Variants in SYNGR1 observed in about 807,000 individuals in gnomAD.
SYNGR1 encodes the protein synaptogyrin-1.
Under a neutral mutation model 26.1 loss-of-function variants are expected in SYNGR1, and 14 were observed. The ratio of observed to expected loss-of-function variants is 0.54; its 90% CI spans 0.35 to 0.84. SYNGR1 has a LOEUF of 0.84. SYNGR1 is among the 40% of genes least tolerant of loss of function. SYNGR1 has a pLI of 0.01. For synonymous variants in SYNGR1, 141 were observed against 150.1 expected (o/e 0.94, Z 0.44); for missense variants, 319 against 332.9 (o/e 0.96, Z 0.33).
At chr22:39,370,429 C>G (rs950723627) in intron 1 of SYNGR1, among the ~76,000 whole-genome samples, 1 of 152,128 alleles carries the variant, frequency 6.6e-6, no homozygotes, top group African/African-American at 2.4e-5. Flanking sequence ...CGCGCCTGGC[C>G]TATACCCAGC....
chr22:39,351,566 A>G (rs976387608), intron 1 of SYNGR1, among the ~76,000 whole-genome samples: 1 of 152,146 alleles, frequency 6.6e-6, no homozygotes, highest in African/African-American at 2.4e-5. Context: ...CCTGGGGGGC[A>G]CCTGCCGGAT....
At chr22:39,355,975 C>T (rs986221533) in intron 1 of SYNGR1, among the ~76,000 whole-genome samples, 3 of 152,054 alleles carry the variant, frequency 2.0e-5, no homozygotes, top group South Asian at 2.1e-4. Context: ...GCCGAGATTG[C>T]GCCATCGCAC....
chr22:39,381,801 G>C lies in SYNGR1; in HGVS notation c.589G>C (p.Ala197Pro). The stretch of plus-strand genomic sequence containing the variant: ...CAGCCAGGACTCCAGCATGCCTTAC[G>C]CGCCCTACGTGGAGCCCACTGGGCC... The part of the protein sequence containing the change: ...DPSQDSSMPY[A>P]PYVEPTGPDP... Residue 197 changes from alanine (A) to proline (P), a missense_variant, in exon 4 of 4, where the codon GCG (alanine) becomes CCG (proline). Physicochemically the swap from Ala to Pro is conservative, Grantham distance 27. Transcript: ENST00000328933. 6.4e-7 allele frequency: 1 copy of C among 1,554,962 alleles called. No homozygotes were observed. The highest frequency in any genetic ancestry group is 8.6e-7 in the Non-Finnish European group (1 of 1,162,224).
intron 1 of SYNGR1, among the ~76,000 whole-genome samples, chr22:39,362,823 C>G (rs963576173): frequency 6.6e-6 from 1 of 152,092 alleles, no homozygotes; most frequent in Non-Finnish European, 1.5e-5. Flanking sequence ...TCCTTTCTAC[C>G]CCCCGTGCTG....
intron 3 of SYNGR1, chr22:39,377,521 G>T: frequency 1.3e-6 from 2 of 1,571,878 alleles, no homozygotes; most frequent in Non-Finnish European, 1.7e-6. Context: ...TGCCTGCCCG[G>T]CCCCCTGAAG....
chr22:39,372,723 C>T (rs1247127931), intron 1 of SYNGR1, among the ~76,000 whole-genome samples: 3 of 152,084 alleles, frequency 2.0e-5, no homozygotes, highest in Non-Finnish European at 4.4e-5. Flanking sequence ...CCCACCTCGG[C>T]CTCCCAAAGT....
intron 3 of SYNGR1, 153 bp downstream of exon 3, chr22:39,376,350 C>T (rs1265803062): frequency 1.2e-5 from 16 of 1,326,506 alleles, no homozygotes; most frequent in Non-Finnish European, 1.7e-5. Flanking sequence ...GCGGCGCTCA[C>T]AGTGGTGCTG....
intron 1 of SYNGR1, among the ~76,000 whole-genome samples, chr22:39,354,236 AT>A (rs1365803391): frequency 6.6e-6 from 1 of 152,122 alleles, no homozygotes; most frequent in African/African-American, 2.4e-5. Context: ...TTCAGGGTTC[AT>A]TTTTTAAGGG....
chr22:39,364,373 C>A, intron 1 of SYNGR1: 1 of 1,608,800 alleles, frequency 6.2e-7, no homozygotes, highest in South Asian at 1.1e-5. Context: ...GTGAAATGCT[C>A]TAAGTATAAG....
chr22:39,377,391 C>G, intron 3 of SYNGR1: 2 of 985,426 alleles, frequency 2.0e-6, no homozygotes, highest in Non-Finnish European at 2.4e-6. Flanking sequence ...GGATCTCAGT[C>G]CAGAGAAGGT....
At chr22:39,358,591 ACT>A (rs953600753) in intron 1 of SYNGR1, among the ~76,000 whole-genome samples, 2 of 151,748 alleles carry the variant, frequency 1.3e-5, no homozygotes, top group African/African-American at 4.8e-5. Flanking sequence ...GAGCTGTAAC[ACT>A]CACCGCGAAG....
chr22:39,361,839 CT>C (rs1293068607), intron 1 of SYNGR1, among the ~76,000 whole-genome samples: 1 of 152,050 alleles, frequency 6.6e-6, no homozygotes, highest in Non-Finnish European at 1.5e-5. Context: ...TGTTGCTCCC[CT>C]CTCCCACCTC....
intron 1 of SYNGR1, among the ~76,000 whole-genome samples, chr22:39,359,710 G>C (rs1452765257): frequency 6.6e-6 from 1 of 150,802 alleles, no homozygotes; most frequent in Non-Finnish European, 1.5e-5. Context: ...TCCTGCTCCA[G>C]TCCTGGTCAT....
chr22:39,374,428 G>A lies in SYNGR1; in HGVS notation c.212G>A (p.Gly71Asp). ...CGCAACCCCAACGCCTGCAGCTATGGCGTGGCCGTGGGCGTGCTCGCCTTC... is the reference window on the plus strand; with the variant it reads ...CGCAACCCCAACGCCTGCAGCTATGACGTGGCCGTGGGCGTGCTCGCCTTC... The part of the protein sequence containing the change: ...YNRNPNACSY[G>D]VAVGVLAFLT... Residue 71 changes from glycine (G) to aspartate (D), a missense_variant, in exon 2 of 4, where the codon GGC (glycine) becomes GAC (aspartate). Gly to Asp is a moderately conservative substitution (Grantham distance 94, BLOSUM62 -1). Transcript: ENST00000328933. The A allele has an allele frequency of 2.5e-6, 4 of 1,614,018 alleles. No homozygotes were observed. The highest frequency in any genetic ancestry group is 3.4e-6 in the Non-Finnish European group (4 of 1,180,034).
chr22:39,352,867 T>G (rs1373443511), intron 1 of SYNGR1, among the ~76,000 whole-genome samples: 1 of 152,112 alleles, frequency 6.6e-6, no homozygotes, highest in African/African-American at 2.4e-5. Context: ...GTGATTGTTT[T>G]TTTTCTTTTT....
In SYNGR1 at chr22:39,376,127, A is replaced by T; in HGVS notation, c.413A>T (p.Asn138Ile). The T allele has an allele frequency of 1.2e-6, 2 of 1,614,156 alleles. No homozygotes were observed. Among genetic ancestry groups the T allele is most frequent in the Non-Finnish European group, 1.7e-6 (2 of 1,180,028 alleles). Reference protein sequence around the residue: ...NQWQVSKPKDNPLNEGTDAAR... With the variant: ...NQWQVSKPKDIPLNEGTDAAR... ...TGGCAGGTCTCCAAGCCCAAGGACA[A>T]CCCACTGAACGAAGGGACGGACGCA... is the stretch of plus-strand genomic sequence containing the variant. Residue 138 changes from asparagine to isoleucine, a missense_variant, in exon 3 of 4, where the codon AAC becomes ATC. Physicochemically the swap from Asn to Ile is moderately radical, Grantham distance 149. Transcript: ENST00000328933.
intron 1 of SYNGR1, among the ~76,000 whole-genome samples, chr22:39,368,796 G>T (rs577245075): frequency 6.6e-6 from 1 of 152,322 alleles, no homozygotes; most frequent in Non-Finnish European, 1.5e-5. Context: ...CAGCAGTGGG[G>T]TCTCCTCCAG....
rs1569172257 is a variant in SYNGR1 at position 39,350,981 on chromosome 22, G to T, written c.99+872G>T. On this transcript the variant is annotated intron_variant, in intron 1 of 3. Coordinates refer to ENST00000328933, the MANE Select transcript of SYNGR1 (RefSeq NM_004711.5). This position sits in a 1 kb window ranked among gnomAD's most constrained non-coding sequence, Gnocchi z 4.3. Reference sequence around the variant, plus strand: ...GGGTCCTCAGTGCAGAGGGCTGAGTGGGCTCTTGTTCAGACGGGTGGTCAG... The same window carrying T: ...GGGTCCTCAGTGCAGAGGGCTGAGTTGGCTCTTGTTCAGACGGGTGGTCAG... Among the ~76,000 whole-genome samples the T allele has an allele frequency of 6.6e-6, 1 of 152,186 alleles. No individual in the cohort carries two copies. The highest frequency in any genetic ancestry group is 6.5e-5 in the Admixed American group (1 of 15,284).
At chr22:39,371,970 T>A (rs1925042248) in intron 1 of SYNGR1, among the ~76,000 whole-genome samples, 1 of 152,124 alleles carries the variant, frequency 6.6e-6, no homozygotes, top group Non-Finnish European at 1.5e-5. Context: ...ACATAAGGCT[T>A]ATAACAAGAA....
Sources: allele counts gnomAD v4.1 joint callset (sites outside exome capture counted in the v4.1 genomes callset), GRCh38; gene constraint gnomAD v4.1.1; non-coding constraint Gnocchi (gnomAD v3.1); transcripts MANE v1.5; gene names NCBI Gene and HGNC (gene_info 2026-07-23, HGNC 2026-07-21).